PCDH15: variants seen among roughly 807,000 people sequenced by gnomAD.
The protein encoded by PCDH15 is protocadherin-15.
A neutral mutation model predicts 178.5 loss-of-function variants in PCDH15; 129 were observed. The observed-to-expected ratio is 0.72, with a 90% CI of 0.63 to 0.84. PCDH15 has a LOEUF of 0.84. PCDH15 is among the 40% of genes least tolerant of loss of function. The pLI, the probability that PCDH15 is intolerant of heterozygous loss-of-function variation, is 0.00. For synonymous variants in PCDH15, 800 were observed against 732.0 expected (o/e 1.09, Z -1.50); for missense variants, 2,230 against 2,099.9 (o/e 1.06, Z -1.21).
At chr10:54,239,176 A>G (rs1406499154) in intron 8 of PCDH15, among the ~76,000 whole-genome samples, 2 of 152,060 alleles carry the variant, frequency 1.3e-5, no homozygotes, top group African/African-American at 4.8e-5. Flanking sequence ...ACCTTCATCT[A>G]TTTATTTCTA....
chr10:53,853,550 A>G (rs2078532908), intron 28 of PCDH15, among the ~76,000 whole-genome samples: 1 of 152,074 alleles, frequency 6.6e-6, no homozygotes, highest in Admixed American at 6.6e-5. Context: ...TAATATCTAA[A>G]CAACTCCTAC....
At chr10:54,803,320 T>C (rs991554821), upstream of PCDH15, among the ~76,000 whole-genome samples, 2 of 152,176 alleles carry the variant, frequency 1.3e-5, no homozygotes, top group African/African-American at 2.4e-5. Context: ...ACAAAATACC[T>C]ATTTTTTGAC....
At chr10:54,981,412 T>G (rs1839228932) in intron 2 of PCDH15, among the ~76,000 whole-genome samples, 1 of 152,140 alleles carries the variant, frequency 6.6e-6, no homozygotes, top group Admixed American at 6.6e-5. Flanking sequence ...TCTTGTATAC[T>G]TCTATAAGGA....
intron 2 of PCDH15, among the ~76,000 whole-genome samples, chr10:54,980,120 T>G (rs539575200): frequency 6.6e-6 from 1 of 152,286 alleles, no homozygotes; most frequent in East Asian, 1.9e-4. Context: ...TTTTGAAATT[T>G]TGCCATCAAA....
At chr10:55,388,939 T>C (rs574766286) in intron 2 of PCDH15, among the ~76,000 whole-genome samples, 1 of 152,242 alleles carries the variant, frequency 6.6e-6, no homozygotes, top group South Asian at 2.1e-4. Context: ...AATTATCAGA[T>C]ATGAGTTCCT....
chr10:55,620,946 T>C (rs536254852), intron 2 of PCDH15, among the ~76,000 whole-genome samples: 3 of 151,884 alleles, frequency 2.0e-5, no homozygotes, highest in South Asian at 2.1e-4. Context: ...TATGAACCCA[T>C]TTTAAAGAAC....
chr10:54,114,479 C>T (rs1183390658), intron 15 of PCDH15, among the ~76,000 whole-genome samples: 3 of 152,034 alleles, frequency 2.0e-5, no homozygotes, highest in African/African-American at 7.2e-5. Context: ...TTATTGATTA[C>T]ATAGTATATT....
chr10:54,205,144 T>C (rs1375963423), intron 10 of PCDH15, among the ~76,000 whole-genome samples: 3 of 152,058 alleles, frequency 2.0e-5, no homozygotes, highest in East Asian at 3.9e-4. Flanking sequence ...AACAGCCACA[T>C]CCCCTGGTCC....
At chr10:55,172,741 C>A (rs1839372672) in intron 1 of PCDH15, among the ~76,000 whole-genome samples, 1 of 151,482 alleles carries the variant, frequency 6.6e-6, no homozygotes, top group Non-Finnish European at 1.5e-5. Flanking sequence ...TAGGATGTAA[C>A]AAAAAAACTA....
At chr10:54,989,275 G>A (rs978034087) in intron 2 of PCDH15, among the ~76,000 whole-genome samples, 3 of 152,198 alleles carry the variant, frequency 2.0e-5, no homozygotes, top group Non-Finnish European at 4.4e-5. Context: ...TGTGGGGTCA[G>A]AGCCCCCACA....
intron 1 of PCDH15, among the ~76,000 whole-genome samples, chr10:55,267,250 TTATC>T (rs1332077674): frequency 5.3e-5 from 8 of 152,212 alleles, no homozygotes; most frequent in African/African-American, 1.9e-4. Flanking sequence ...TTTTCTCTGT[TTATC>T]TAACTATTAT....
At chr10:55,095,745 A>G (rs897947515) in intron 2 of PCDH15, among the ~76,000 whole-genome samples, 1 of 152,136 alleles carries the variant, frequency 6.6e-6, no homozygotes, top group African/African-American at 2.4e-5. Flanking sequence ...TTTAACAGTG[A>G]TAACAGGTAA....
chr10:55,313,442 G>GT lies in PCDH15; in HGVS notation c.-156+6156dup, dbSNP rs1044971412. On this transcript the variant is annotated intron_variant, in intron 1 of 5. Transcript: ENST00000458638. ...AGTGCAACTGTGGAGAACTAACCTCGTAACAGAAAATTTTGTGTAAAGGTT... is the reference window on the plus strand; with the variant it reads ...AGTGCAACTGTGGAGAACTAACCTCGTTAACAGAAAATTTTGTGTAAAGGTT... 6.0e-4 allele frequency among the ~76,000 whole-genome samples: 92 copies of GT among 152,192 alleles called. 1 individual carries two copies. The highest frequency in any genetic ancestry group is 2.0e-3 in the African/African-American group (85 of 41,524).
At chr10:53,936,500 G>A (rs2921914) in intron 25 of PCDH15, among the ~76,000 whole-genome samples, 5,368 of 152,126 alleles carry the variant, frequency 0.035, 281 homozygotes, top group African/African-American at 0.12. Context: ...TTCCCAGGGC[G>A]TGATTATGTT....
chr10:55,483,703 C>A (rs535160853), intron 2 of PCDH15, among the ~76,000 whole-genome samples: 4 of 151,352 alleles, frequency 2.6e-5, no homozygotes, highest in East Asian at 3.9e-4. Context: ...GCAATCCCAG[C>A]TACTTTGGAG....
intron 7 of PCDH15, among the ~76,000 whole-genome samples, chr10:54,323,670 GC>G (rs2061747155): frequency 6.6e-6 from 1 of 152,018 alleles, no homozygotes; most frequent in African/African-American, 2.4e-5. Flanking sequence ...AACACCAAGT[GC>G]CCAGGGAAAT....
Position 53,929,876 on chromosome 10 carries a change from C to T in PCDH15, c.3373+8939G>A, listed in dbSNP as rs904834159. On this transcript the variant is annotated intron_variant, in intron 25 of 37. Transcript: ENST00000644397. Reference sequence around the variant, plus strand: ...ATGTTTAAAGATAATTATAATTTTACCATAAAGCAAAAATTGCCACTTCAA... The same window carrying T: ...ATGTTTAAAGATAATTATAATTTTATCATAAAGCAAAAATTGCCACTTCAA... Among the ~76,000 whole-genome samples, 7 of 152,144 alleles carry T rather than the reference C, an allele frequency of 4.6e-5. No homozygotes were observed. In the South Asian group the frequency reaches 8.3e-4, roughly 18 times the overall value.
intron 3 of PCDH15, among the ~76,000 whole-genome samples, chr10:54,837,733 T>C (rs1327220413): frequency 6.6e-6 from 1 of 152,128 alleles, no homozygotes; most frequent in Non-Finnish European, 1.5e-5. Flanking sequence ...TCGGCAGCCA[T>C]TCATGAATGA....
At chr10:55,162,608 T>C (rs1483972634) in intron 2 of PCDH15, among the ~76,000 whole-genome samples, 6 of 152,170 alleles carry the variant, frequency 3.9e-5, no homozygotes, top group Admixed American at 3.9e-4. Context: ...TACATGATAA[T>C]AGTCCTTCCC....
Sources: allele counts gnomAD v4.1 joint callset (sites outside exome capture counted in the v4.1 genomes callset), GRCh38; gene constraint gnomAD v4.1.1; transcripts MANE v1.5; gene names NCBI Gene and HGNC (gene_info 2026-07-23, HGNC 2026-07-21).